The following DGKG variants were observed in gnomAD, a reference collection of about 807,000 sequenced individuals.
The protein encoded by DGKG is DAG kinase gamma.
DGKG carries 78 observed loss-of-function variants against 105.3 expected under a neutral mutation model. The observed-to-expected ratio is 0.74, with a 90% CI of 0.62 to 0.89. DGKG has a LOEUF of 0.89. DGKG is among the 40% of genes least tolerant of loss of function. The probability of loss-of-function intolerance (pLI) is 0.00; values close to 1 mark genes in which losing one functional copy is unlikely to be tolerated. For synonymous variants in DGKG, 346 were observed against 367.1 expected, an observed-to-expected ratio of 0.94 and a Z score of 0.66; for missense variants, 958 against 1,020.1, an observed-to-expected ratio of 0.94 and a Z score of 0.83.
chr3:186,258,173 G>A (rs1578736959), intron 16 of DGKG, among the ~76,000 whole-genome samples: 2 of 152,188 alleles, frequency 1.3e-5, no homozygotes, highest in Admixed American at 6.5e-5. Flanking sequence ...CTCAACATTC[G>A]ACACAAATGG....
At position 186,158,847 on chromosome 3, in the gene DGKG, C is replaced by A. The variant is rs547186504; in HGVS notation, c.2277+2756G>T. 7.4e-6 allele frequency: 7 copies of A among 940,532 alleles called. No homozygotes were observed. In the South Asian group the frequency reaches 3.4e-4, roughly 46 times the overall value. 58.3% of individuals were successfully genotyped at this position (940,532 alleles called of 1,614,324 possible). On this transcript the variant is annotated intron_variant, in intron 24 of 24. Coordinates refer to ENST00000265022, the MANE Select transcript of DGKG (RefSeq NM_001346.3). ...CCACTATATCTCATAATTGAATGTACTTTTTATCAAATAAAAAATGTGTTT... is the reference window on the plus strand; with the variant it reads ...CCACTATATCTCATAATTGAATGTAATTTTTATCAAATAAAAAATGTGTTT...
intron 21 of DGKG, among the ~76,000 whole-genome samples, chr3:186,198,324 A>T (rs2268846): frequency 0.47 from 71,269 of 152,034 alleles, 19,974 homozygotes; most frequent in East Asian, 0.74. Flanking sequence ...CAGCTGAAGG[A>T]AATCCATACC....
chr3:186,197,426 G>A (rs991283450), intron 21 of DGKG, among the ~76,000 whole-genome samples: 6 of 152,074 alleles, frequency 3.9e-5, no homozygotes, highest in South Asian at 2.1e-4. Flanking sequence ...CCACCACCCC[G>A]CACACTGCCT....
At chr3:186,256,892 G>GC in intron 17 of DGKG, among the ~76,000 whole-genome samples, 1 of 152,190 alleles carries the variant, frequency 6.6e-6, no homozygotes, top group African/African-American at 2.4e-5. Flanking sequence ...AGCTCCCTGT[G>GC]CCCCTTCCCT....
chr3:186,279,914 C>T lies in DGKG; in HGVS notation c.729G>A (p.Gln243=), dbSNP rs1287821572. ...TGGTCATCCCTCCATGGACCCATTC[C>T]TGTAGAGACACAAAGCCGTCCCGGT... ...DYDRDGFVSL[Q]EWVHGGMTTI... Residue 243 remains glutamine, a synonymous_variant, in exon 9 of 25, where the codon CAG becomes CAA. Coordinates refer to ENST00000265022, the MANE Select transcript of DGKG (RefSeq NM_001346.3). 6 of 1,614,052 alleles carry T rather than the reference C, an allele frequency of 3.7e-6. No homozygotes were observed. The highest frequency in any genetic ancestry group is 1.7e-5 in the Admixed American group (1 of 59,998).
chr3:186,283,794 A>G (rs1417821883), intron 7 of DGKG, among the ~76,000 whole-genome samples: 1 of 152,166 alleles, frequency 6.6e-6, no homozygotes, highest in Non-Finnish European at 1.5e-5. Context: ...CAGCATTGCA[A>G]TGTAGCTGGA....
chr3:186,291,257 A>C (rs1474950801), intron 5 of DGKG, among the ~76,000 whole-genome samples: 1 of 151,382 alleles, frequency 6.6e-6, no homozygotes, highest in Non-Finnish European at 1.5e-5. Flanking sequence ...CATTACTCTA[A>C]AGCCAAAAAC....
intron 22 of DGKG, among the ~76,000 whole-genome samples, chr3:186,166,625 A>C (rs962992349): frequency 3.6e-5 from 3 of 84,358 alleles, no homozygotes; most frequent in Non-Finnish European, 5.0e-5. Flanking sequence ...CATGGGCTAT[A>C]AATGTGTGTG....
At position 186,295,638 on chromosome 3, in the gene DGKG, T is replaced by TAAAAAAAAAAAAAAAAAA. The variant is rs34829528; in HGVS notation, c.373+1765_373+1782dup. 5.9e-5 allele frequency among the ~76,000 whole-genome samples: 5 copies of TAAAAAAAAAAAAAAAAAA among 84,528 alleles called. 1 individual carries two copies. Among genetic ancestry groups the TAAAAAAAAAAAAAAAAAA allele is most frequent in the Admixed American group, 1.4e-4 (1 of 7,100 alleles). 55.5% of individuals were successfully genotyped at this position (84,528 alleles called of 152,430 possible). A position where few individuals can be genotyped will look rare whatever the true frequency, so the allele number is the denominator to read the frequency against. On this transcript the variant is annotated intron_variant, in intron 5 of 24. Coordinates refer to ENST00000265022, the MANE Select transcript of DGKG (RefSeq NM_001346.3). Reference sequence around the variant, plus strand: ...TTTTCAATAAAATGATAATGCACAGTAAAAAAAAAAAAAAAAAAAAAAGGT... The same window carrying TAAAAAAAAAAAAAAAAAA: ...TTTTCAATAAAATGATAATGCACAGTAAAAAAAAAAAAAAAAAAAAAAAAAAAAAAAAAAAAAAAAGGT...
In DGKG at chr3:186,147,316, C is replaced by G; in HGVS notation, c.*2774G>C. ...TAAGAAATAAGGGATTAGGTTCTCC[C>G]CTGACTAACCATGTGGCTTTGAGAA... is the stretch of plus-strand genomic sequence containing the variant. On this transcript the variant is annotated 3_prime_UTR_variant, in exon 25 of 25. Transcript: ENST00000265022. 6 of 985,750 alleles carry G rather than the reference C, an allele frequency of 6.1e-6. No individual in the cohort carries two copies. The highest frequency in any genetic ancestry group is 7.2e-6 in the Non-Finnish European group (6 of 829,836). 61.1% of individuals were successfully genotyped at this position (985,750 alleles called of 1,614,324 possible). A position where few individuals can be genotyped will look rare whatever the true frequency, so the allele number is the denominator to read the frequency against.
At position 186,257,942 on chromosome 3, in the gene DGKG, G is replaced by A. The variant is rs1213528348; in HGVS notation, c.1425-3C>T. 15 of 1,613,488 alleles carry A rather than the reference G, an allele frequency of 9.3e-6. No homozygotes were observed. Among genetic ancestry groups the A allele is most frequent in the Non-Finnish European group, 8.5e-6 (10 of 1,179,610 alleles). On this transcript the variant is annotated splice_region_variant and splice_polypyrimidine_tract_variant and intron_variant, in intron 16 of 24. Transcript: ENST00000265022. ...GAGTATCACGGAAAAAGTTCAACCT[G>A]GGAAGAAGAAGAAAGGCCAAAATGG...
chr3:186,209,022 T>C (rs981322834), intron 21 of DGKG, among the ~76,000 whole-genome samples: 2 of 152,096 alleles, frequency 1.3e-5, no homozygotes, highest in African/African-American at 4.8e-5. Flanking sequence ...TAGGACATGT[T>C]ATGGTCGGCA....
intron 21 of DGKG, among the ~76,000 whole-genome samples, chr3:186,190,100 A>C (rs531847544): frequency 6.6e-6 from 1 of 152,318 alleles, no homozygotes; most frequent in South Asian, 2.1e-4. Context: ...TGAGGCACAG[A>C]GGAGGTTAAG....
Position 186,251,883 on chromosome 3 carries a change from T to C in DGKG, c.1637A>G (p.Asp546Gly), listed in dbSNP as rs1382781548. 6.3e-7 allele frequency: 1 copy of C among 1,598,762 alleles called. No individual in the cohort carries two copies. Among genetic ancestry groups the C allele is most frequent in the Admixed American group, 1.7e-5 (1 of 58,282 alleles). ...CATCACCAAGGGGCTCTGCTCAATGTCTTTCAGGATTTTTGTCAAGCTGCC... is the reference window on the plus strand; with the variant it reads ...CATCACCAAGGGGCTCTGCTCAATGCCTTTCAGGATTTTTGTCAAGCTGCC... ...EGGSLTKILK[D>G]IEQSPLVMLD... Residue 546 changes from aspartate (D) to glycine (G), a missense_variant, in exon 19 of 25, where the codon GAC (aspartate) becomes GGC (glycine). Transcript: ENST00000265022.
chr3:186,265,153 G>C (rs1286539844), intron 14 of DGKG, 94 bp downstream of exon 14: 77 of 1,220,524 alleles, frequency 6.3e-5, no homozygotes, highest in Non-Finnish European at 9.3e-5. Context: ...GGCAAATGCT[G>C]AGATGCTTTT....
At chr3:186,309,735 T>C (rs760550017) in intron 2 of DGKG, among the ~76,000 whole-genome samples, 1 of 152,200 alleles carries the variant, frequency 6.6e-6, no homozygotes, top group Non-Finnish European at 1.5e-5. Context: ...ATTGAATATA[T>C]GATATTTTGA....
intron 15 of DGKG, 114 bp downstream of exon 15, chr3:186,261,585 G>A: frequency 9.1e-6 from 7 of 766,780 alleles, no homozygotes; most frequent in Non-Finnish European, 1.6e-5. Flanking sequence ...GCAGGTGGCA[G>A]TGCTGGGATT....
intron 14 of DGKG, 181 bp from the exon 15 acceptor site, chr3:186,261,959 G>A: frequency 3.7e-6 from 2 of 537,692 alleles, no homozygotes; most frequent in Non-Finnish European, 3.4e-6. Context: ...CAGTTTGAAT[G>A]GCCTTTAAGT....
intron 1 of DGKG, among the ~76,000 whole-genome samples, chr3:186,339,864 A>T (rs1726006646): frequency 6.6e-6 from 1 of 152,220 alleles, no homozygotes; most frequent in Non-Finnish European, 1.5e-5. Flanking sequence ...CCTCCATGAC[A>T]TTTCCTATAT....
Sources: allele counts gnomAD v4.1 joint callset (sites outside exome capture counted in the v4.1 genomes callset), GRCh38; gene constraint gnomAD v4.1.1; transcripts MANE v1.5; gene names NCBI Gene and HGNC (gene_info 2026-07-23, HGNC 2026-07-21).